The following GRIK1 variants were observed in gnomAD, a reference collection of about 807,000 sequenced individuals.
GRIK1 encodes glutamate receptor ionotropic, kainate 1.
A neutral mutation model predicts 105.7 loss-of-function variants in GRIK1; 69 were observed. The ratio of observed to expected loss-of-function variants is 0.65; its 90% CI spans 0.54 to 0.80. The LOEUF (loss-of-function observed/expected upper bound fraction) is 0.80. GRIK1 is among the 30% of genes least tolerant of loss of function. The probability of loss-of-function intolerance (pLI) is 0.00; values close to 1 mark genes in which losing one functional copy is unlikely to be tolerated. For missense variants in GRIK1, 1,109 were observed against 1,167.3 expected, an observed-to-expected ratio of 0.95 and a Z score of 0.73; for synonymous variants, 438 against 431.3, an observed-to-expected ratio of 1.02 and a Z score of -0.19.
chr21:29,720,532 G>A (rs2064294041), intron 1 of GRIK1, among the ~76,000 whole-genome samples: 1 of 152,012 alleles, frequency 6.6e-6, no homozygotes, highest in Non-Finnish European at 1.5e-5. Context: ...GTGTGTATAT[G>A]TGTGTATGTA....
rs895308075 is a variant in GRIK1 at position 29,625,027 on chromosome 21, T to C, written c.1098+17799A>G. On this transcript the variant is annotated intron_variant, in intron 7 of 17. Transcript: ENST00000327783. ...TGTGTTGCTCTGTTAGATCCTTATG[T>C]AGTCTGACATGTGGAGGGCACGAGG... Among the ~76,000 whole-genome samples the C allele has an allele frequency of 2.6e-5, 4 of 152,372 alleles. No homozygotes were observed. In the East Asian group the frequency reaches 7.7e-4, roughly 29 times the overall value.
At chr21:29,560,135 T>G (rs1390347991) in intron 15 of GRIK1, among the ~76,000 whole-genome samples, 1 of 152,182 alleles carries the variant, frequency 6.6e-6, no homozygotes, top group East Asian at 1.9e-4. Flanking sequence ...ACGATATGGC[T>G]TGACTGTTAG....
At chr21:29,829,576 G>T (rs2067569187) in intron 1 of GRIK1, among the ~76,000 whole-genome samples, 1 of 152,134 alleles carries the variant, frequency 6.6e-6, no homozygotes, top group South Asian at 2.1e-4. Context: ...AGCAAGCAGT[G>T]CCACTCAGTA....
chr21:29,717,570 C>T (rs1246331374), intron 1 of GRIK1, among the ~76,000 whole-genome samples: 1 of 152,252 alleles, frequency 6.6e-6, no homozygotes, highest in African/African-American at 2.4e-5. Context: ...TTTGGACTTG[C>T]TTGGGGCCTG....
intron 1 of GRIK1, among the ~76,000 whole-genome samples, chr21:29,727,979 C>T (rs1008311966): frequency 5.3e-5 from 8 of 152,128 alleles, no homozygotes; most frequent in Non-Finnish European, 7.4e-5. Context: ...ACAGCAGATC[C>T]GCCCTCCCTC....
chr21:29,777,713 G>A (rs1278046464), intron 1 of GRIK1, among the ~76,000 whole-genome samples: 1 of 152,196 alleles, frequency 6.6e-6, no homozygotes, highest in Non-Finnish European at 1.5e-5. Flanking sequence ...GTTAAGTACA[G>A]GGATAACACG....
chr21:29,865,073 C>A (rs983540124), intron 1 of GRIK1, among the ~76,000 whole-genome samples: 2 of 152,196 alleles, frequency 1.3e-5, no homozygotes, highest in Non-Finnish European at 2.9e-5. Flanking sequence ...AGTAAGTTCC[C>A]TGCTGCATTC....
chr21:29,618,658 T>C (rs2061907137), intron 7 of GRIK1, among the ~76,000 whole-genome samples: 1 of 152,194 alleles, frequency 6.6e-6, no homozygotes, highest in Admixed American at 6.5e-5. Context: ...GATATATATA[T>C]GCACAATGGA....
At chr21:29,596,971 A>G (rs113948860) in intron 8 of GRIK1, among the ~76,000 whole-genome samples, 1 of 151,002 alleles carries the variant, frequency 6.6e-6, no homozygotes, top group South Asian at 2.1e-4. Context: ...CACACACACA[A>G]ACACACACAC....
chr21:29,661,364 A>G (rs758005736), intron 4 of GRIK1, among the ~76,000 whole-genome samples: 6 of 152,188 alleles, frequency 3.9e-5, no homozygotes, highest in Non-Finnish European at 8.8e-5. Flanking sequence ...TGAATAAATG[A>G]AAGATTTTGA....
chr21:29,809,721 G>T (rs1266985454), intron 1 of GRIK1, among the ~76,000 whole-genome samples: 1 of 152,156 alleles, frequency 6.6e-6, no homozygotes, highest in East Asian at 1.9e-4. Context: ...GCCTGTCTCG[G>T]CTTTTGCCAT....
intron 1 of GRIK1, among the ~76,000 whole-genome samples, chr21:29,860,248 C>T (rs2068594489): frequency 6.6e-6 from 1 of 152,198 alleles, no homozygotes; most frequent in Non-Finnish European, 1.5e-5. Flanking sequence ...CTGCTGGAAA[C>T]CTCCTAGCTG....
chr21:29,795,131 G>A (rs1601716388), intron 1 of GRIK1, among the ~76,000 whole-genome samples: 1 of 145,248 alleles, frequency 6.9e-6, no homozygotes, highest in South Asian at 2.2e-4. Flanking sequence ...TGCCTCCCAG[G>A]TTCAAGTGAT....
At chr21:29,682,173 A>G (rs2063393615) in intron 3 of GRIK1, among the ~76,000 whole-genome samples, 1 of 152,062 alleles carries the variant, frequency 6.6e-6, no homozygotes, top group African/African-American at 2.4e-5. Flanking sequence ...TCAATCCTTC[A>G]CCCACTTTGT....
At chr21:29,794,488 T>C (rs991881594) in intron 1 of GRIK1, among the ~76,000 whole-genome samples, 3 of 152,180 alleles carry the variant, frequency 2.0e-5, no homozygotes, top group Non-Finnish European at 4.4e-5. Flanking sequence ...TCAGCTATTA[T>C]AGTTCTATAA....
intron 5 of GRIK1, among the ~76,000 whole-genome samples, chr21:29,652,804 C>T (rs1201271829): frequency 6.6e-6 from 1 of 152,200 alleles, no homozygotes; most frequent in Non-Finnish European, 1.5e-5. Context: ...CAAGACAGGA[C>T]ATTATCCTGA....
chr21:29,648,948 G>A (rs561226017), intron 6 of GRIK1, among the ~76,000 whole-genome samples: 70 of 152,304 alleles, frequency 4.6e-4, no homozygotes, highest in Middle Eastern at 3.4e-3. Context: ...TATCTTTAAC[G>A]TAGAGAAGAA....
chr21:29,637,166 C>T (rs556941783), intron 7 of GRIK1, among the ~76,000 whole-genome samples: 1 of 152,308 alleles, frequency 6.6e-6, no homozygotes, highest in South Asian at 2.1e-4. Flanking sequence ...AATAGAAGCA[C>T]TGTGACCCAG....
intron 1 of GRIK1, among the ~76,000 whole-genome samples, chr21:29,800,031 A>C (rs1569107170): frequency 6.6e-6 from 1 of 152,224 alleles, no homozygotes; most frequent in Non-Finnish European, 1.5e-5. Flanking sequence ...TGTTGTACTG[A>C]GGAGTCTCCT....
Sources: allele counts gnomAD v4.1 joint callset (sites outside exome capture counted in the v4.1 genomes callset), GRCh38; gene constraint gnomAD v4.1.1; transcripts MANE v1.5; gene names NCBI Gene and HGNC (gene_info 2026-07-23, HGNC 2026-07-21).